STAM2: variants seen among roughly 807,000 people sequenced by gnomAD.
STAM2 encodes the protein signal transducing adapter molecule 2.
A neutral mutation model predicts 65.6 loss-of-function variants in STAM2; 51 were observed. The ratio of observed to expected loss-of-function variants is 0.78; its 90% CI spans 0.62 to 0.98. The LOEUF is 0.98. Among genes scored for constraint, STAM2 ranks in the 50% least tolerant of loss-of-function variants. STAM2 has a pLI of 0.00. For synonymous variants in STAM2, 198 were observed against 208.4 expected (o/e 0.95, Z 0.43); for missense variants, 584 against 617.8 (o/e 0.95, Z 0.58).
rs752671134 is a variant in STAM2 at position 152,135,562 on chromosome 2, C to T, written c.746G>A (p.Gly249Glu). 2 of 1,612,620 alleles carry T rather than the reference C, an allele frequency of 1.2e-6. No homozygotes were observed. Among genetic ancestry groups the T allele is most frequent in the Admixed American group, 3.3e-5 (2 of 59,806 alleles). The change falls in exon 8 of 14, where the codon GGA (glycine) becomes GAA (glutamate). Residue 249 changes from glycine (G) to glutamate (E), a missense_variant. Gly to Glu is a moderately conservative substitution (Grantham distance 98). Transcript: ENST00000263904. Reference protein sequence around the residue: ...WWKGENHRGIGLFPSNFVTTN... With the variant: ...WWKGENHRGIELFPSNFVTTN... The stretch of plus-strand genomic sequence containing the variant: ...TGTTACAAAATTGGATGGGAAAAGT[C>T]CTATTCCTCTGTGATTTTCTCCTTT...
At chr2:152,148,192 T>C in intron 3 of STAM2, 33 bp downstream of exon 3, 1 of 1,597,342 alleles carries the variant, frequency 6.3e-7, no homozygotes, top group Admixed American at 1.7e-5. Context: ...ACATTTAAAA[T>C]TTGCGTCAAA....
In STAM2 at chr2:152,120,415, A is replaced by G; in HGVS notation, c.*159T>C. On this transcript the variant is annotated 3_prime_UTR_variant, in exon 14 of 14. Transcript: ENST00000263904. ...GGACTGAAAAAAAAAAAAAAAAAAA[A>G]CCTTTTATGGCCTTGTAGAATAAGA... 1 of 522,848 alleles carries G rather than the reference A, an allele frequency of 1.9e-6. No homozygotes were observed. The allele number at this position is 522,848 out of a possible 1,614,324, so 32.4% of individuals were successfully genotyped here.
Position 152,126,386 on chromosome 2 carries a change from T to C in STAM2, c.1026-7A>G, listed in dbSNP as rs1688964467. The C allele has an allele frequency of 2.6e-6, 4 of 1,526,278 alleles. No homozygotes were observed. The highest frequency in any genetic ancestry group is 3.5e-6 in the Non-Finnish European group (4 of 1,138,248). The allele number at this position is 1,526,278 out of a possible 1,614,324, so 94.5% of individuals were successfully genotyped here. ...AGACAATTCTGAATGCTTCCTGATG[T>C]AGAAGAAAAGTATTATAATACTCTT... is the stretch of plus-strand genomic sequence containing the variant. On this transcript the variant is annotated splice_polypyrimidine_tract_variant and splice_region_variant and intron_variant, in intron 11 of 13. Transcript: ENST00000263904.
intron 1 of STAM2, among the ~76,000 whole-genome samples, chr2:152,164,648 C>T (rs1015714768): frequency 6.6e-6 from 1 of 152,114 alleles, no homozygotes; most frequent in African/African-American, 2.4e-5. Context: ...AGCTGATTAA[C>T]TCCATTTACT....
At chr2:152,144,709 T>C in intron 6 of STAM2, 179 bp downstream of exon 6, 1 of 471,728 alleles carries the variant, frequency 2.1e-6, no homozygotes, top group Non-Finnish European at 3.8e-6. Context: ...CAGCTAATTT[T>C]TGTACTTTTA....
rs1690007293 is a variant in STAM2 at position 152,175,691 on chromosome 2, A to C, written c.-49T>G. The C allele has an allele frequency of 1.3e-6, 2 of 1,584,280 alleles. No individual in the cohort carries two copies. Among genetic ancestry groups the C allele is most frequent in the African/African-American group, 2.7e-5 (2 of 74,214 alleles). ...CGCTGCTGTCTAGCTGACACTCAGC[A>C]ACTGCTACCCGCCGGGTGACCCGCG... On this transcript the variant is annotated 5_prime_UTR_variant, in exon 1 of 14. Coordinates refer to ENST00000263904, the MANE Select transcript of STAM2 (RefSeq NM_005843.6).
At position 152,143,742 on chromosome 2, in the gene STAM2, C is replaced by T. The variant is rs982285128; in HGVS notation, c.704+85G>A. 1.5e-5 allele frequency: 17 copies of T among 1,099,212 alleles called. No homozygotes were observed. In the African/African-American group the frequency reaches 1.8e-4, roughly 11 times the overall value. 68.1% of individuals were successfully genotyped at this position (1,099,212 alleles called of 1,614,324 possible). A position where few individuals can be genotyped will look rare whatever the true frequency, so the allele number is the denominator to read the frequency against. On this transcript the variant is annotated intron_variant, in intron 7 of 13. Transcript: ENST00000263904. The stretch of plus-strand genomic sequence containing the variant: ...AAATGGTTCTATTATGATTTAAATA[C>T]ACTAAAAGTCAAAGAACTGAATACT...
At chr2:152,165,336 C>G (rs531824821) in intron 1 of STAM2, among the ~76,000 whole-genome samples, 1 of 152,074 alleles carries the variant, frequency 6.6e-6, no homozygotes, top group South Asian at 2.1e-4. Flanking sequence ...GAGGCTGTGG[C>G]AGGAGAATTG....
At chr2:152,159,991 G>A (rs979150588) in intron 1 of STAM2, among the ~76,000 whole-genome samples, 19 of 152,340 alleles carry the variant, frequency 1.2e-4, no homozygotes, top group African/African-American at 4.3e-4. Flanking sequence ...TCGGCCTCCC[G>A]AGGTGCCAGG....
At chr2:152,141,952 C>G (rs979116917) in intron 7 of STAM2, among the ~76,000 whole-genome samples, 14 of 151,822 alleles carry the variant, frequency 9.2e-5, no homozygotes, top group South Asian at 2.1e-4. Context: ...CAAGGGACTT[C>G]TGTGTGTGAA....
chr2:152,172,681 C>T (rs1167781424), intron 1 of STAM2, among the ~76,000 whole-genome samples: 1 of 151,796 alleles, frequency 6.6e-6, no homozygotes, highest in Non-Finnish European at 1.5e-5. Flanking sequence ...CCAGCCTGGC[C>T]AACATGGTGA....
intron 2 of STAM2, among the ~76,000 whole-genome samples, chr2:152,148,962 A>C (rs1489005580): frequency 6.6e-6 from 1 of 152,176 alleles, no homozygotes; most frequent in Non-Finnish European, 1.5e-5. Context: ...CAATTTTAAG[A>C]GGTTCAAGTA....
intron 1 of STAM2, among the ~76,000 whole-genome samples, chr2:152,159,426 C>T (rs1441833020): frequency 6.6e-6 from 1 of 152,040 alleles, no homozygotes; most frequent in Non-Finnish European, 1.5e-5. Flanking sequence ...ATAGCTTTTA[C>T]TAAAGATAGA....
intron 1 of STAM2, among the ~76,000 whole-genome samples, chr2:152,152,530 C>T (rs1689464752): frequency 6.6e-6 from 1 of 150,932 alleles, no homozygotes; most frequent in Non-Finnish European, 1.5e-5. Flanking sequence ...GCCTGGGTGA[C>T]AGAGTGAGAC....
At chr2:152,171,948 T>G (rs1188621531) in intron 1 of STAM2, among the ~76,000 whole-genome samples, 1 of 152,144 alleles carries the variant, frequency 6.6e-6, no homozygotes, top group African/African-American at 2.4e-5. Context: ...AAGTCATGAC[T>G]TGGAAATCAA....
At chr2:152,120,913 G>T in intron 13 of STAM2, 111 bp from the exon 14 acceptor site, 1 of 743,544 alleles carries the variant, frequency 1.3e-6, no homozygotes, top group Non-Finnish European at 2.3e-6. Context: ...AGCTTACGTA[G>T]CTCTGCTGTT....
chr2:152,122,808 G>A (rs1387518133), intron 13 of STAM2, among the ~76,000 whole-genome samples: 2 of 152,126 alleles, frequency 1.3e-5, no homozygotes, highest in East Asian at 1.9e-4. Flanking sequence ...GTGCATGCCT[G>A]TAATCCTAGC....
At chr2:152,145,667 AAGAG>A (rs1689325721) in intron 5 of STAM2, among the ~76,000 whole-genome samples, 2 of 152,224 alleles carry the variant, frequency 1.3e-5, no homozygotes, top group Admixed American at 6.5e-5. Flanking sequence ...ATCATCACTG[AAGAG>A]AGAGGAATGG....
At chr2:152,163,188 C>T (rs965457061) in intron 1 of STAM2, among the ~76,000 whole-genome samples, 8 of 152,236 alleles carry the variant, frequency 5.3e-5, no homozygotes, top group African/African-American at 1.9e-4. Flanking sequence ...AATGGAGGGA[C>T]TGGCTGGAGC....
Sources: allele counts gnomAD v4.1 joint callset (sites outside exome capture counted in the v4.1 genomes callset), GRCh38; gene constraint gnomAD v4.1.1; transcripts MANE v1.5; gene names NCBI Gene and HGNC (gene_info 2026-07-23, HGNC 2026-07-21).